Variants in DGKB observed in about 807,000 individuals in gnomAD.
DGKB encodes 90 kDa diacylglycerol kinase.
In DGKB, 67 loss-of-function variants were observed where a neutral mutation model predicts 114.3. The ratio of observed to expected loss-of-function variants is 0.59; its 90% CI spans 0.48 to 0.72. DGKB has a LOEUF of 0.72. DGKB is among the 30% of genes least tolerant of loss of function. DGKB has a pLI of 0.00. For missense variants in DGKB, 907 were observed against 975.2 expected, an observed-to-expected ratio of 0.93 and a Z score of 0.93; for synonymous variants, 398 against 323.1, an observed-to-expected ratio of 1.23 and a Z score of -2.49.
chr7:14,789,721 AT>A (rs1840398240), intron 2 of DGKB, among the ~76,000 whole-genome samples: 2 of 126,994 alleles, frequency 1.6e-5, no homozygotes, highest in East Asian at 2.3e-4. Flanking sequence ...CATCTGGCTA[AT>A]TTAAAAAAAA....
chr7:14,676,423 A>C (rs905597869), intron 12 of DGKB, among the ~76,000 whole-genome samples: 1 of 152,098 alleles, frequency 6.6e-6, no homozygotes, highest in Admixed American at 6.6e-5. Context: ...AACTAAAAGA[A>C]GGTAATTGGA....
intron 23 of DGKB, among the ~76,000 whole-genome samples, chr7:14,303,699 G>T (rs568083237): frequency 6.6e-6 from 1 of 152,092 alleles, no homozygotes; most frequent in East Asian, 1.9e-4. Context: ...CCAGAACAGG[G>T]ATAGAAATTC....
intron 2 of DGKB, among the ~76,000 whole-genome samples, chr7:14,835,671 A>G (rs1458561833): frequency 6.6e-6 from 1 of 152,010 alleles, no homozygotes; most frequent in Non-Finnish European, 1.5e-5. Context: ...TTGACTACAC[A>G]CCTGTGAGGA....
chr7:14,473,013 T>G (rs1781642965), intron 21 of DGKB, among the ~76,000 whole-genome samples: 1 of 151,946 alleles, frequency 6.6e-6, no homozygotes, highest in East Asian at 1.9e-4. Context: ...GAAAAGAAAA[T>G]CCCATTTTCT....
chr7:14,607,351 A>G, intron 17 of DGKB, 83 bp downstream of exon 17: 4 of 748,472 alleles, frequency 5.3e-6, no homozygotes, highest in Non-Finnish European at 7.0e-6. Flanking sequence ...TTCAAATAAC[A>G]TTATTTCTAC....
At chr7:14,241,985 C>CATAT (rs1793745195) in intron 23 of DGKB, among the ~76,000 whole-genome samples, 1 of 148,956 alleles carries the variant, frequency 6.7e-6, no homozygotes, top group Non-Finnish European at 1.5e-5. Context: ...CACACACACA[C>CATAT]ACATATATAT....
At chr7:14,740,754 G>A (rs575608040) in intron 4 of DGKB, among the ~76,000 whole-genome samples, 51 of 152,012 alleles carry the variant, frequency 3.4e-4, no homozygotes, top group Middle Eastern at 3.4e-3. Context: ...ATAGCAGGGG[G>A]AAAGGCAGTG....
chr7:14,922,294 T>C (rs1177325980), intron 1 of DGKB, among the ~76,000 whole-genome samples: 4 of 151,888 alleles, frequency 2.6e-5, no homozygotes, highest in African/African-American at 7.3e-5. Context: ...TGGGGTGCCA[T>C]GTACGTCTAT....
At chr7:14,629,743 GT>G (rs1287572088) in intron 14 of DGKB, among the ~76,000 whole-genome samples, 2 of 151,984 alleles carry the variant, frequency 1.3e-5, no homozygotes, top group Non-Finnish European at 1.5e-5. Context: ...TTATTCTGAT[GT>G]TTCTCTATAC....
intron 21 of DGKB, among the ~76,000 whole-genome samples, chr7:14,384,846 G>A (rs941367570): frequency 7.9e-5 from 12 of 152,128 alleles, no homozygotes; most frequent in African/African-American, 2.9e-4. Flanking sequence ...GCTGCCAAAC[G>A]TCCTACAATG....
intron 20 of DGKB, among the ~76,000 whole-genome samples, chr7:14,533,708 A>G (rs1410794121): frequency 6.6e-6 from 1 of 151,996 alleles, no homozygotes; most frequent in Non-Finnish European, 1.5e-5. Context: ...GGCAACACCT[A>G]TAAACTATCA....
chr7:14,834,786 A>G (rs964566840), intron 2 of DGKB, among the ~76,000 whole-genome samples: 7 of 152,166 alleles, frequency 4.6e-5, no homozygotes, highest in African/African-American at 1.7e-4. Context: ...TTCAGTATCA[A>G]TGTTTGCTTG....
chr7:14,269,870 T>C (rs1207777905), intron 23 of DGKB, among the ~76,000 whole-genome samples: 1 of 152,070 alleles, frequency 6.6e-6, no homozygotes, highest in Non-Finnish European at 1.5e-5. Context: ...TAACACAGTT[T>C]CTTTAAATAT....
chr7:14,682,348 A>C (rs1324316007), intron 12 of DGKB, among the ~76,000 whole-genome samples: 2 of 152,048 alleles, frequency 1.3e-5, no homozygotes, highest in Non-Finnish European at 2.9e-5. Context: ...TTAGATTGTC[A>C]CCAGCTCTAA....
intron 1 of DGKB, among the ~76,000 whole-genome samples, chr7:14,900,393 A>G (rs1172109614): frequency 6.6e-6 from 1 of 152,168 alleles, no homozygotes; most frequent in African/African-American, 2.4e-5. Context: ...CTGCAACAGT[A>G]TTGTGCATAT....
intron 25 of DGKB, among the ~76,000 whole-genome samples, chr7:14,169,242 G>A (rs1021611962): frequency 2.6e-5 from 4 of 151,464 alleles, no homozygotes; most frequent in Admixed American, 1.3e-4. Flanking sequence ...GCGGGCGCCT[G>A]TAGTCCCAGC....
chr7:14,552,210 C>G (rs748160917), intron 20 of DGKB, among the ~76,000 whole-genome samples: 8 of 152,076 alleles, frequency 5.3e-5, no homozygotes, highest in Admixed American at 6.6e-5. Flanking sequence ...TACTAGAATT[C>G]ACACTTCTTT....
rs539358244 is a variant in DGKB at position 14,926,769 on chromosome 7, T to G, written c.-188+47927A>C. On this transcript the variant is annotated intron_variant, in intron 1 of 4. Coordinates refer to the DGKB transcript ENST00000437998. ...CTGAAAGTGAATCTGGTATTAATTA[T>G]TTCTTCTAGCTCTTGTTGGTAGTGC... Among the ~76,000 whole-genome samples, 417 of 152,156 alleles carry G rather than the reference T, an allele frequency of 2.7e-3. 1 individual carries two copies. Among genetic ancestry groups the G allele is most frequent in the African/African-American group, 9.7e-3 (402 of 41,560 alleles).
intron 23 of DGKB, among the ~76,000 whole-genome samples, chr7:14,337,983 T>C (rs1810979281): frequency 6.6e-6 from 1 of 152,154 alleles, no homozygotes; most frequent in Non-Finnish European, 1.5e-5. Context: ...GGTCTCCTAC[T>C]TGTTGTTACT....
Sources: allele counts gnomAD v4.1 joint callset (sites outside exome capture counted in the v4.1 genomes callset), GRCh38; gene constraint gnomAD v4.1.1; transcripts MANE v1.5; gene names NCBI Gene and HGNC (gene_info 2026-07-23, HGNC 2026-07-21).